Variants in TNN observed in about 807,000 individuals in gnomAD.
TNN encodes the protein tenascin-N.
TNN carries 122 observed loss-of-function variants against 134.4 expected under a neutral mutation model. The observed-to-expected ratio is 0.91, with a 90% CI of 0.78 to 1.06. The LOEUF is 1.06. Among genes scored for constraint, TNN ranks in the 50% least tolerant of loss-of-function variants. The pLI, the probability that TNN is intolerant of heterozygous loss-of-function variation, is 0.00. For synonymous variants in TNN, 710 were observed against 670.3 expected (o/e 1.06, Z -0.91); for missense variants, 1,739 against 1,699.4 (o/e 1.02, Z -0.41).
At chr1:175,127,977 G>T in intron 13 of TNN, 55 bp from the exon 14 acceptor site, 1 of 1,606,856 alleles carries the variant, frequency 6.2e-7, no homozygotes, top group East Asian at 2.2e-5. Flanking sequence ...CACCTAGGGT[G>T]CTAGTGGGTG....
intron 11 of TNN, among the ~76,000 whole-genome samples, chr1:175,120,314 G>A (rs556299252): frequency 1.3e-5 from 2 of 152,356 alleles, no homozygotes; most frequent in African/African-American, 4.8e-5. Context: ...TTCTGTGAAG[G>A]AGATGAACAT....
intron 12 of TNN, 93 bp from the exon 13 acceptor site, chr1:175,126,862 T>A: frequency 7.1e-7 from 1 of 1,401,312 alleles, no homozygotes; most frequent in Non-Finnish European, 9.6e-7. Flanking sequence ...AATGGGAGGG[T>A]TTGAAAAGGG....
At chr1:175,107,495 G>T (rs569138639) in intron 9 of TNN, among the ~76,000 whole-genome samples, 6 of 145,802 alleles carry the variant, frequency 4.1e-5, no homozygotes, top group Admixed American at 3.4e-4. Context: ...TGGGCTCATG[G>T]TCTTGCTGGG....
At chr1:175,142,131 A>T (rs1675955675) in intron 17 of TNN, among the ~76,000 whole-genome samples, 1 of 152,186 alleles carries the variant, frequency 6.6e-6, no homozygotes, top group African/African-American at 2.4e-5. Context: ...GTCTAGAGGG[A>T]GGCGGAAATG....
chr1:175,100,593 A>T (rs549871079), intron 9 of TNN, among the ~76,000 whole-genome samples: 1 of 152,240 alleles, frequency 6.6e-6, no homozygotes, highest in African/African-American at 2.4e-5. Flanking sequence ...GTAGATATCC[A>T]TTTTCTTGGG....
Position 175,102,726 on chromosome 1 carries a change from G to A in TNN, c.2119+4131G>A, listed in dbSNP as rs2149434538. Among the ~76,000 whole-genome samples, 2 of 146,254 alleles carry A rather than the reference G, an allele frequency of 1.4e-5. 1 individual carries two copies. The highest frequency in any genetic ancestry group is 4.9e-5 in the African/African-American group (2 of 40,716). Reference sequence around the variant, plus strand: ...AGCTGAGGGAGTGGGCTCCAGCCTTGGCCAGCCCAGAAAGGGGCTCCCACA... The same window carrying A: ...AGCTGAGGGAGTGGGCTCCAGCCTTAGCCAGCCCAGAAAGGGGCTCCCACA... On this transcript the variant is annotated intron_variant, in intron 9 of 18. Transcript: ENST00000239462.
chr1:175,085,828 C>T lies in TNN; in HGVS notation c.1324+334C>T, dbSNP rs560453046. Among the ~76,000 whole-genome samples the T allele has an allele frequency of 2.8e-3, 383 of 137,084 alleles. 3 individuals are homozygous for T. Among genetic ancestry groups the T allele is most frequent in the African/African-American group, 0.01 (368 of 35,798 alleles). The allele number at this position is 137,084 out of a possible 152,430, so 89.9% of individuals were successfully genotyped here. ...GGTGGAGGTTGTGGTGAGCCGAGAT[C>T]GTGCCATTGCACTCCAGCCTGGGCA... is the stretch of plus-strand genomic sequence containing the variant. On this transcript the variant is annotated intron_variant, in intron 6 of 18. Coordinates refer to ENST00000239462, the MANE Select transcript of TNN (RefSeq NM_022093.2).
intron 11 of TNN, among the ~76,000 whole-genome samples, chr1:175,122,277 A>G (rs1399867197): frequency 6.6e-6 from 1 of 151,760 alleles, no homozygotes; most frequent in African/African-American, 2.4e-5. Context: ...ATTCCCAGCT[A>G]CTCTGGAGGC....
intron 17 of TNN, among the ~76,000 whole-genome samples, chr1:175,142,680 C>T (rs550641439): frequency 2.2e-4 from 33 of 151,974 alleles, no homozygotes; most frequent in African/African-American, 6.8e-4. Context: ...TGCAGTGGCA[C>T]GATCTTGGCT....
chr1:175,110,477 C>A (rs554767449), intron 9 of TNN, among the ~76,000 whole-genome samples: 6 of 152,300 alleles, frequency 3.9e-5, no homozygotes, highest in African/African-American at 1.4e-4. Context: ...CCAATGTTTT[C>A]TTCTGTAGTT....
chr1:175,083,683 C>T lies in TNN; in HGVS notation c.1049-67C>T. 2.0e-6 allele frequency: 3 copies of T among 1,472,694 alleles called. No individual in the cohort carries two copies. In the African/African-American group the frequency reaches 4.2e-5, roughly 20 times the overall value. The allele number at this position is 1,472,694 out of a possible 1,614,324, so 91.2% of individuals were successfully genotyped here. A position where few individuals can be genotyped will look rare whatever the true frequency, so the allele number is the denominator to read the frequency against. ...AGGGAGCTGACCTGATAACCAACAGCCTGTCACAGAACCTTGGAACCTCTG... is the reference window on the plus strand; with the variant it reads ...AGGGAGCTGACCTGATAACCAACAGTCTGTCACAGAACCTTGGAACCTCTG... On this transcript the variant is annotated intron_variant, in intron 4 of 18. Transcript: ENST00000239462.
At position 175,094,225 on chromosome 1, in the gene TNN, C is replaced by G. The variant is rs1288486604; in HGVS notation, c.1560C>G (p.Ser520Arg). The G allele has an allele frequency of 6.2e-7, 1 of 1,609,630 alleles. No individual in the cohort carries two copies. The highest frequency in any genetic ancestry group is 1.7e-5 in the Admixed American group (1 of 59,734). The change falls in exon 7 of 19, where the codon AGC (serine) becomes AGG (arginine). Residue 520 changes from serine to arginine, a missense_variant. By Grantham distance (110) the Ser-to-Arg change is moderately radical. Transcript: ENST00000239462. Reference sequence around the variant, plus strand: ...GGGCTGAAAGGGGCAACCAGGGGAGCAAGAAAGCTGACACCAATGCCCTCA... The same window carrying G: ...GGGCTGAAAGGGGCAACCAGGGGAGGAAGAAAGCTGACACCAATGCCCTCA... ...YVWAERGNQGSKKADTNALTE... is the reference protein window; with the variant it reads ...YVWAERGNQGRKKADTNALTE...
At chr1:175,122,218 C>CAA (rs10636029) in intron 11 of TNN, among the ~76,000 whole-genome samples, 88,097 of 144,348 alleles carry the variant, frequency 0.61, 26,381 homozygotes, top group Admixed American at 0.64. Flanking sequence ...CCTGTCTTTA[C>CAA]AAAAAAAAAA....
chr1:175,110,022 T>A (rs1355643402), intron 9 of TNN, among the ~76,000 whole-genome samples: 1 of 152,160 alleles, frequency 6.6e-6, no homozygotes, highest in Non-Finnish European at 1.5e-5. Context: ...TACCTGTTAT[T>A]GTTTGTCTTT....
rs768431234 is a variant in TNN, at chr1:175,083,738, C to T, written c.1049-12C>T. ...TCACCACTTTCTCTTGCCTCCGTCA[C>T]CCCTGCCCTAGACCTTGCTGTGCTT... On this transcript the variant is annotated splice_polypyrimidine_tract_variant and intron_variant, in intron 4 of 18. Transcript: ENST00000239462. The T allele has an allele frequency of 6.2e-7, 1 of 1,612,658 alleles. No homozygotes were observed. The highest frequency in any genetic ancestry group is 1.1e-5 in the South Asian group (1 of 90,914).
At chr1:175,079,793 G>T in intron 3 of TNN, 86 bp downstream of exon 3, 1 of 1,465,822 alleles carries the variant, frequency 6.8e-7, no homozygotes, top group Admixed American at 2.4e-5. Context: ...TCATCTTTGG[G>T]GGTCTCTTCC....
chr1:175,120,054 T>C (rs1675309259), intron 11 of TNN, among the ~76,000 whole-genome samples: 1 of 152,198 alleles, frequency 6.6e-6, no homozygotes, highest in African/African-American at 2.4e-5. Context: ...TAAAAACCTG[T>C]TTTGTGGCAA....
At chr1:175,087,015 C>T (rs1260851685) in intron 6 of TNN, among the ~76,000 whole-genome samples, 1 of 152,194 alleles carries the variant, frequency 6.6e-6, no homozygotes, top group Admixed American at 6.5e-5. Context: ...AGAAGTTAAG[C>T]TCAAGATTGC....
chr1:175,145,315 G>A (rs1343846604), intron 18 of TNN, among the ~76,000 whole-genome samples: 3 of 152,024 alleles, frequency 2.0e-5, no homozygotes, highest in Admixed American at 1.3e-4. Context: ...CACTCTGGGA[G>A]GCTGAGGTGA....
Sources: allele counts gnomAD v4.1 joint callset (sites outside exome capture counted in the v4.1 genomes callset), GRCh38; gene constraint gnomAD v4.1.1; transcripts MANE v1.5; gene names NCBI Gene and HGNC (gene_info 2026-07-23, HGNC 2026-07-21).